Variants in RFX7 observed in about 807,000 individuals in gnomAD.
The protein encoded by RFX7 is DNA-binding protein RFX7.
In RFX7, 26 loss-of-function variants were observed where a neutral mutation model predicts 111.8. That is an observed-to-expected ratio of 0.23 (90% CI 0.17 to 0.32). The LOEUF (loss-of-function observed/expected upper bound fraction) is 0.32. RFX7 is among the 10% of genes least tolerant of loss of function. The probability of loss-of-function intolerance (pLI) is 1.00; values close to 1 mark genes in which losing one functional copy is unlikely to be tolerated. For synonymous variants in RFX7, 624 were observed against 624.4 expected, an observed-to-expected ratio of 1.00 and a Z score of 0.01; for missense variants, 1,573 against 1,772.9, an observed-to-expected ratio of 0.89 and a Z score of 2.02.
intron 2 of RFX7, among the ~76,000 whole-genome samples, chr15:56,229,145 A>G (rs1017950250): frequency 3.5e-4 from 53 of 152,156 alleles, no homozygotes; most frequent in African/African-American, 1.3e-3. Context: ...TTTCCATTTA[A>G]TATTTTTGGT....
At chr15:56,225,782 A>G (rs1293487675) in intron 2 of RFX7, among the ~76,000 whole-genome samples, 4 of 152,150 alleles carry the variant, frequency 2.6e-5, no homozygotes, top group Non-Finnish European at 5.9e-5. Context: ...CATCTTCCCT[A>G]TAGGACATTA....
chr15:56,157,651 G>A (rs1190750701), intron 3 of RFX7, among the ~76,000 whole-genome samples: 3 of 152,172 alleles, frequency 2.0e-5, no homozygotes, highest in African/African-American at 7.2e-5. Context: ...CACAATCTTG[G>A]CTCACTGCAA....
At chr15:56,221,273 T>A (rs1238494241) in intron 2 of RFX7, among the ~76,000 whole-genome samples, 1 of 152,256 alleles carries the variant, frequency 6.6e-6, no homozygotes, top group Admixed American at 6.5e-5. Context: ...TTGGGCAGTA[T>A]GGCCTTTTAA....
intron 2 of RFX7, among the ~76,000 whole-genome samples, chr15:56,231,655 C>CA (rs2043559273): frequency 6.6e-6 from 1 of 152,154 alleles, no homozygotes; most frequent in Admixed American, 6.5e-5. Flanking sequence ...CTCATGTCCT[C>CA]ACATTTCAAA....
chr15:56,184,145 G>A (rs1469557930), intron 2 of RFX7, among the ~76,000 whole-genome samples: 2 of 148,540 alleles, frequency 1.3e-5, no homozygotes, highest in African/African-American at 2.5e-5. Flanking sequence ...TCAGCCTCCT[G>A]AGTAGCTGGG....
At chr15:56,235,462 C>T (rs1480337721) in intron 2 of RFX7, among the ~76,000 whole-genome samples, 1 of 152,176 alleles carries the variant, frequency 6.6e-6, no homozygotes, top group Admixed American at 6.5e-5. Context: ...CTTGTAGCTA[C>T]TTGACAATAC....
intron 2 of RFX7, among the ~76,000 whole-genome samples, chr15:56,237,193 A>G (rs1269735940): frequency 6.6e-6 from 1 of 152,194 alleles, no homozygotes; most frequent in Admixed American, 6.5e-5. Context: ...TCATTTTGTA[A>G]ATGAGGAAAC....
At chr15:56,142,724 A>T in intron 5 of RFX7, 54 bp downstream of exon 5, 1 of 1,508,274 alleles carries the variant, frequency 6.6e-7, no homozygotes, top group Non-Finnish European at 9.1e-7. Context: ...ATGGCCAAGT[A>T]TAGTATTTTA....
intron 3 of RFX7, among the ~76,000 whole-genome samples, chr15:56,166,621 A>C (rs2042785576): frequency 6.6e-6 from 1 of 152,238 alleles, no homozygotes; most frequent in African/African-American, 2.4e-5. Flanking sequence ...TTGTATGAGG[A>C]AAAGGGTGAA....
chr15:56,110,459 C>G (rs1342360215), intron 5 of RFX7, among the ~76,000 whole-genome samples: 1 of 113,706 alleles, frequency 8.8e-6, no homozygotes, highest in African/African-American at 3.3e-5. Context: ...ATCCGGGAGG[C>G]GAGGGGAGCC....
intron 5 of RFX7, among the ~76,000 whole-genome samples, chr15:56,134,895 G>A (rs1479758920): frequency 1.3e-5 from 2 of 152,002 alleles, no homozygotes; most frequent in Non-Finnish European, 2.9e-5. Context: ...ATAGTTTACT[G>A]AGAATGATGT....
intron 2 of RFX7, among the ~76,000 whole-genome samples, chr15:56,187,042 T>C (rs1390656527): frequency 1.3e-5 from 2 of 152,192 alleles, no homozygotes; most frequent in Non-Finnish European, 2.9e-5. Context: ...TGCTTCAGTG[T>C]TCTGCTTCAG....
At chr15:56,236,746 T>A (rs996086558) in intron 2 of RFX7, among the ~76,000 whole-genome samples, 5 of 152,188 alleles carry the variant, frequency 3.3e-5, no homozygotes, top group African/African-American at 1.2e-4. Flanking sequence ...ATTACTATTA[T>A]GGGATAAGGT....
At chr15:56,225,665 CA>C in intron 2 of RFX7, among the ~76,000 whole-genome samples, 1 of 152,278 alleles carries the variant, frequency 6.6e-6, no homozygotes, top group South Asian at 2.1e-4. Context: ...CTGCCTTCAA[CA>C]GGTGCCTGCA....
chr15:56,243,091 G>A (rs1231090046), intron 2 of RFX7, 34 bp downstream of exon 2: 9 of 1,353,008 alleles, frequency 6.7e-6, no homozygotes, highest in Non-Finnish European at 8.9e-6. Context: ...ATGTGCCTGG[G>A]CTTTTTCACG....
At chr15:56,113,625 T>C (rs559179099) in intron 5 of RFX7, among the ~76,000 whole-genome samples, 26 of 150,938 alleles carry the variant, frequency 1.7e-4, no homozygotes, top group Non-Finnish European at 3.2e-4. Context: ...GTAACAAACC[T>C]GCACATTCTG....
chr15:56,234,734 T>A (rs532497562), intron 2 of RFX7, among the ~76,000 whole-genome samples: 1 of 152,246 alleles, frequency 6.6e-6, no homozygotes, highest in Non-Finnish European at 1.5e-5. Context: ...TGTTGCCATA[T>A]AGAAATAACA....
At chr15:56,118,623 C>T (rs2042038067) in intron 5 of RFX7, among the ~76,000 whole-genome samples, 1 of 152,176 alleles carries the variant, frequency 6.6e-6, no homozygotes, top group Non-Finnish European at 1.5e-5. Flanking sequence ...GCTTCCAAAT[C>T]TTGGTTATTG....
At chr15:56,238,394 TCTA>T (rs1390158700) in intron 2 of RFX7, among the ~76,000 whole-genome samples, 2 of 152,210 alleles carry the variant, frequency 1.3e-5, no homozygotes, top group Non-Finnish European at 2.9e-5. Flanking sequence ...TATATATAAT[TCTA>T]CTTTTATTAT....
Sources: allele counts gnomAD v4.1 joint callset (sites outside exome capture counted in the v4.1 genomes callset), GRCh38; gene constraint gnomAD v4.1.1; transcripts MANE v1.5; gene names NCBI Gene and HGNC (gene_info 2026-07-23, HGNC 2026-07-21).